Variants in STOM observed in about 807,000 individuals in gnomAD.
STOM encodes erythrocyte band 7 integral membrane protein.
STOM carries 25 observed loss-of-function variants against 30.6 expected under a neutral mutation model. The observed-to-expected ratio is 0.82, with a 90% CI of 0.60 to 1.14. The LOEUF (loss-of-function observed/expected upper bound fraction) is 1.14, where lower values mean the gene tolerates loss of function less well. Among genes scored for constraint, STOM ranks in the 50% most tolerant of loss-of-function variants. The pLI is 0.00. For synonymous variants in STOM, 118 were observed against 130.8 expected, an observed-to-expected ratio of 0.90 and a Z score of 0.67; for missense variants, 292 against 365.2, an observed-to-expected ratio of 0.80 and a Z score of 1.63.
chr9:121,368,928 G>A (rs1243132397), intron 1 of STOM, among the ~76,000 whole-genome samples: 1 of 136,786 alleles, frequency 7.3e-6, no homozygotes, highest in East Asian at 2.1e-4. Flanking sequence ...GCGAAACTCC[G>A]TCTCAAAAAA....
intron 1 of STOM, among the ~76,000 whole-genome samples, chr9:121,364,526 A>G (rs985675293): frequency 1.3e-5 from 2 of 152,200 alleles, no homozygotes; most frequent in African/African-American, 4.8e-5. Context: ...TGTGGTTTGA[A>G]TTACAAAGCT....
intron 6 of STOM, among the ~76,000 whole-genome samples, chr9:121,344,026 G>C (rs1158945903): frequency 6.6e-6 from 1 of 152,192 alleles, no homozygotes; most frequent in African/African-American, 2.4e-5. Flanking sequence ...AGACTAGGTA[G>C]GAGGAGGAAA....
At chr9:121,359,599 T>A (rs2064430743) in intron 1 of STOM, among the ~76,000 whole-genome samples, 2 of 152,282 alleles carry the variant, frequency 1.3e-5, no homozygotes, top group Non-Finnish European at 2.9e-5. Context: ...TTTTTAAAGT[T>A]ACTTTAGACA....
intron 4 of STOM, among the ~76,000 whole-genome samples, chr9:121,350,656 T>C (rs936399079): frequency 1.7e-4 from 26 of 152,236 alleles, no homozygotes; most frequent in African/African-American, 6.3e-4. Flanking sequence ...GACCAACAGA[T>C]TCCTCATTTG....
intron 4 of STOM, among the ~76,000 whole-genome samples, chr9:121,351,887 C>T (rs1479650816): frequency 6.6e-6 from 1 of 152,110 alleles, no homozygotes; most frequent in South Asian, 2.1e-4. Context: ...AAATGCCCAA[C>T]AAGCAGTTTC....
chr9:121,345,882 C>T (rs1278358882), intron 6 of STOM, among the ~76,000 whole-genome samples: 2 of 152,144 alleles, frequency 1.3e-5, no homozygotes, highest in African/African-American at 4.8e-5. Flanking sequence ...ATCAACTGTG[C>T]GACCTTGCGG....
At chr9:121,352,822 C>G (rs13440011) in intron 4 of STOM, among the ~76,000 whole-genome samples, 5,882 of 152,226 alleles carry the variant, frequency 0.039, 344 homozygotes, top group Admixed American at 0.15. Flanking sequence ...TGGCAGGGAA[C>G]GGTGGCTCAT....
In STOM at chr9:121,370,167, T is replaced by A. The variant is rs1297089727; in HGVS notation, c.21A>T (p.Thr7=). 3 of 1,548,130 alleles carry A rather than the reference T, an allele frequency of 1.9e-6. No individual in the cohort carries two copies. In the East Asian group the frequency reaches 7.3e-5, roughly 38 times the overall value. Residue 7 remains threonine, a synonymous_variant, in exon 1 of 7, where the codon ACA becomes ACT. Coordinates refer to ENST00000286713, the MANE Select transcript of STOM (RefSeq NM_004099.6). ...GGAGCCGCTGGGCTTCGGAGTCCCG[T>A]GTGTGCCGCTTCTCGGCCATGCTGC... The part of the protein sequence containing the change: MAEKRH[T]RDSEAQRLPD...
intron 1 of STOM, chr9:121,369,853 C>T: frequency 2.2e-6 from 1 of 459,286 alleles, no homozygotes. Flanking sequence ...ATAGTGCAGC[C>T]CTGGCATGGG....
chr9:121,353,156 A>C, intron 4 of STOM, 64 bp downstream of exon 4: 1 of 870,416 alleles, frequency 1.1e-6, no homozygotes, highest in Non-Finnish European at 1.8e-6. Context: ...CACTCTAACT[A>C]TTCTGTCCCT....
rs1158854382 is a variant in STOM, at chr9:121,366,103, T to A, written c.61+4024A>T. ...AAATTCCACTCTCATTTCACTATATTCTACTACCTTACCATAGTGCTCACT... is the reference window on the plus strand; with the variant it reads ...AAATTCCACTCTCATTTCACTATATACTACTACCTTACCATAGTGCTCACT... On this transcript the variant is annotated intron_variant, in intron 1 of 6. Coordinates refer to ENST00000286713, the MANE Select transcript of STOM (RefSeq NM_004099.6). 3.0e-6 allele frequency: 3 copies of A among 984,878 alleles called. No homozygotes were observed. The African/African-American group carries it at 5.2e-5, about 17-fold the overall frequency. The allele number at this position is 984,878 out of a possible 1,614,324, so 61.0% of individuals were successfully genotyped here.
At chr9:121,360,917 C>G (rs1004259393) in intron 1 of STOM, among the ~76,000 whole-genome samples, 2 of 152,158 alleles carry the variant, frequency 1.3e-5, no homozygotes, top group African/African-American at 2.4e-5. Context: ...AAATGCTTGG[C>G]TAGAAATAAT....
chr9:121,352,440 T>G lies in STOM; in HGVS notation c.321+780A>C, dbSNP rs191147320. Among the ~76,000 whole-genome samples, 3 of 152,350 alleles carry G rather than the reference T, an allele frequency of 2.0e-5. No individual in the cohort carries two copies. The East Asian group carries it at 5.8e-4, about 29-fold the overall frequency. Reference sequence around the variant, plus strand: ...CCAATACAATACCTACACATCACTTTATTCATGTGGATTCAATGCCATGCT... The same window carrying G: ...CCAATACAATACCTACACATCACTTGATTCATGTGGATTCAATGCCATGCT... On this transcript the variant is annotated intron_variant, in intron 4 of 6. Transcript: ENST00000286713.
intron 6 of STOM, among the ~76,000 whole-genome samples, chr9:121,346,850 A>G (rs1380971045): frequency 6.6e-6 from 1 of 152,330 alleles, no homozygotes; most frequent in East Asian, 1.9e-4. Flanking sequence ...TTTGTGGCTT[A>G]AAGGGCATCC....
chr9:121,367,774 T>C lies in STOM; in HGVS notation c.61+2353A>G, dbSNP rs1485713335. The stretch of plus-strand genomic sequence containing the variant: ...CAAGCAGCCTTCTGGAAGTCATCAC[T>C]GAAGCTGTGTTCCTCCAGGCTTTTT... On this transcript the variant is annotated intron_variant, in intron 1 of 6. Coordinates refer to ENST00000286713, the MANE Select transcript of STOM (RefSeq NM_004099.6). Among the ~76,000 whole-genome samples the C allele has an allele frequency of 2.6e-5, 4 of 152,368 alleles. No homozygotes were observed. The East Asian group carries it at 7.7e-4, about 29-fold the overall frequency.
At chr9:121,347,081 A>T (rs1452483613) in intron 6 of STOM, among the ~76,000 whole-genome samples, 2 of 152,188 alleles carry the variant, frequency 1.3e-5, no homozygotes, top group African/African-American at 4.8e-5. Flanking sequence ...GACCAAAAAG[A>T]CTGTCTCTTC....
At chr9:121,367,230 C>T (rs1486084448) in intron 1 of STOM, among the ~76,000 whole-genome samples, 1 of 152,146 alleles carries the variant, frequency 6.6e-6, no homozygotes, top group African/African-American at 2.4e-5. Flanking sequence ...CAATAGTTTT[C>T]AGGAAATTGC....
At chr9:121,355,324 G>A (rs1479965393) in intron 2 of STOM, among the ~76,000 whole-genome samples, 1 of 148,500 alleles carries the variant, frequency 6.7e-6, no homozygotes, top group Admixed American at 6.7e-5. Flanking sequence ...GGAGGCGGAG[G>A]TTGCAGTGAG....
At chr9:121,350,050 A>G (rs2064325434) in intron 4 of STOM, among the ~76,000 whole-genome samples, 1 of 152,236 alleles carries the variant, frequency 6.6e-6, no homozygotes, top group South Asian at 2.1e-4. Flanking sequence ...AAGTGCTCAG[A>G]AAAGTTCCTG....
Sources: gnomAD v4.1 joint callset for allele counts (sites outside exome capture counted in the v4.1 genomes callset) on GRCh38, gnomAD v4.1.1 for gene constraint, MANE v1.5 for transcripts, NCBI Gene and HGNC (gene_info 2026-07-23, HGNC 2026-07-21) for gene names.